The following TRIM5 variants were observed in gnomAD, a reference collection of about 807,000 sequenced individuals.
TRIM5 encodes the protein tripartite motif-containing protein 5.
TRIM5 carries 31 observed loss-of-function variants against 35.6 expected under a neutral mutation model. The observed-to-expected ratio is 0.87, with a 90% CI of 0.65 to 1.18. The LOEUF (loss-of-function observed/expected upper bound fraction) is 1.18. TRIM5 is among the 50% of genes most tolerant of loss of function. The pLI is 0.00. For missense variants in TRIM5, 609 were observed against 591.6 expected (o/e 1.03, Z -0.31); for synonymous variants, 243 against 215.6 (o/e 1.13, Z -1.11).
chr11:5,615,718 C>T, the TRIM5 span, among the ~76,000 whole-genome samples: 10 of 151,628 alleles, frequency 6.6e-5, no homozygotes, highest in Non-Finnish European at 1.5e-4. Flanking sequence ...CTCAGCCTCC[C>T]GAGTAGCTGG....
At chr11:5,655,619 G>C in the TRIM5 span, 1 of 984,238 alleles carries the variant, frequency 1.0e-6, no homozygotes. Context: ...AAGGTGTGAA[G>C]ATTGCCATGC....
chr11:5,609,793 C>G, the TRIM5 span, among the ~76,000 whole-genome samples: 24 of 152,174 alleles, frequency 1.6e-4, no homozygotes, highest in South Asian at 4.2e-4. Context: ...CGTGGTGGCA[C>G]GCGCCTGTAG....
chr11:5,657,709 T>TATAATATATATAA, the TRIM5 span, among the ~76,000 whole-genome samples: 4 of 129,658 alleles, frequency 3.1e-5, no homozygotes, highest in African/African-American at 1.2e-4. Flanking sequence ...TATATATAAA[T>TATAATATATATAA]ATATATATAT....
At chr11:5,649,494 G>A in the TRIM5 span, among the ~76,000 whole-genome samples, 9 of 152,098 alleles carry the variant, frequency 5.9e-5, no homozygotes, top group Non-Finnish European at 1.2e-4. Context: ...CCTACATTGT[G>A]GAGTAGTTGT....
the TRIM5 span, among the ~76,000 whole-genome samples, chr11:5,621,887 T>A: frequency 6.6e-6 from 1 of 152,136 alleles, no homozygotes; most frequent in Non-Finnish European, 1.5e-5. Context: ...ACATCTCACA[T>A]TTATTGATTG....
At chr11:5,636,345 G>A in the TRIM5 span, among the ~76,000 whole-genome samples, 1 of 152,160 alleles carries the variant, frequency 6.6e-6, no homozygotes, top group Non-Finnish European at 1.5e-5. Context: ...AACTAGATTA[G>A]TGGTTGCCAG....
the TRIM5 span, chr11:5,589,133 C>T: frequency 6.6e-6 from 1 of 151,862 alleles, no homozygotes; most frequent in Admixed American, 6.6e-5. Context: ...TTTTCTTTTC[C>T]TCAAAAATCC....
chr11:5,630,068 G>A, the TRIM5 span, among the ~76,000 whole-genome samples: 6 of 152,142 alleles, frequency 3.9e-5, no homozygotes, highest in South Asian at 2.1e-4. Flanking sequence ...TGAAACTAAC[G>A]TAGCTTAGGT....
chr11:5,622,804 C>T, the TRIM5 span, among the ~76,000 whole-genome samples: 1 of 152,192 alleles, frequency 6.6e-6, no homozygotes, highest in Non-Finnish European at 1.5e-5. Flanking sequence ...AGAAAACTCT[C>T]AATCAATTTA....
chr11:5,683,117 G>A (rs902085747), intron 1 of TRIM5, among the ~76,000 whole-genome samples: 2 of 152,210 alleles, frequency 1.3e-5, no homozygotes, highest in East Asian at 1.9e-4. Context: ...TCAATTTCTC[G>A]CCGGGCCTTA....
the TRIM5 span, chr11:5,632,544 T>G: frequency 6.2e-7 from 1 of 1,613,948 alleles, no homozygotes. Flanking sequence ...TACAGGCTAA[T>G]CAGCATCTGG....
chr11:5,641,272 A>C, the TRIM5 span: 1 of 1,602,416 alleles, frequency 6.2e-7, no homozygotes, highest in African/African-American at 1.3e-5. Context: ...GGTCAATTGG[A>C]ATAAAAAATC....
chr11:5,642,742 C>A, the TRIM5 span: 10 of 1,589,104 alleles, frequency 6.3e-6, no homozygotes, highest in Non-Finnish European at 8.6e-6. Flanking sequence ...CCTGTCCCTA[C>A]TCTAAAGAAT....
At chr11:5,627,889 T>C in the TRIM5 span, among the ~76,000 whole-genome samples, 1 of 152,236 alleles carries the variant, frequency 6.6e-6, no homozygotes, top group Non-Finnish European at 1.5e-5. Flanking sequence ...AATTTTACTA[T>C]CTACCTGCAG....
chr11:5,678,206 G>A lies in TRIM5; in HGVS notation c.742C>T (p.Gln248Ter), dbSNP rs1020416779. The A allele has an allele frequency of 9.4e-6, 15 of 1,601,024 alleles. No individual in the cohort carries two copies. Among genetic ancestry groups the A allele is most frequent in the Middle Eastern group, 1.7e-4 (1 of 6,020 alleles). The change falls in exon 4 of 8, where the codon CAG becomes TAG. Residue 248 changes from glutamine to a stop codon, truncating the protein, a stop_gained and splice_region_variant. Transcript: ENST00000380034. LOFTEE classifies it high-confidence loss of function. ...RLQGSVMELL[Q>*]GVDGVIKRTE... is the part of the protein sequence containing the mutation. ...TCAGGCTTCTTTCCACTTTTTACCT[G>A]AAGCAGCTCCATCACTGACCCCTGC...
the TRIM5 span, chr11:5,642,297 GA>G: frequency 4.2e-6 from 4 of 953,908 alleles, no homozygotes; most frequent in Non-Finnish European, 6.3e-6. Flanking sequence ...CAGGCTCAGG[GA>G]GAAGGGTTCA....
At chr11:5,614,997 C>T in the TRIM5 span, among the ~76,000 whole-genome samples, 4 of 152,064 alleles carry the variant, frequency 2.6e-5, no homozygotes, top group Admixed American at 6.5e-5. Context: ...CCATTCTATT[C>T]AAGATTCTAT....
chr11:5,608,421 T>C, the TRIM5 span: 1 of 1,613,080 alleles, frequency 6.2e-7, no homozygotes, highest in Non-Finnish European at 8.5e-7. Context: ...CATGAGGTAG[T>C]TCCCCTGGAC....
chr11:5,633,830 G>T, the TRIM5 span: 1 of 1,613,920 alleles, frequency 6.2e-7, no homozygotes, highest in Non-Finnish European at 8.5e-7. Flanking sequence ...TCCTCAAGAG[G>T]CTGAAGAAGG....
Sources: gnomAD v4.1 joint callset for allele counts (sites outside exome capture counted in the v4.1 genomes callset) on GRCh38, gnomAD v4.1.1 for gene constraint, MANE v1.5 for transcripts, NCBI Gene and HGNC (gene_info 2026-07-23, HGNC 2026-07-21) for gene names.